The following GARIN2 variants were observed in gnomAD, a reference collection of about 807,000 sequenced individuals.
GARIN2 encodes the protein Golgi-associated RAB2 interactor protein 2.
At chr14:67,208,391 A>C in the GARIN2 span, 1 of 1,614,022 alleles carries the variant, frequency 6.2e-7, no homozygotes, top group Non-Finnish European at 8.5e-7. Context: ...GAAGGATAAG[A>C]CCTCTGAAGA....
At chr14:67,192,389 C>G in the GARIN2 span, among the ~76,000 whole-genome samples, 1 of 151,882 alleles carries the variant, frequency 6.6e-6, no homozygotes, top group Non-Finnish European at 1.5e-5. Context: ...TTTTATTTCC[C>G]TACCTAACAC....
the GARIN2 span, among the ~76,000 whole-genome samples, chr14:67,215,322 G>T: frequency 6.6e-6 from 1 of 152,002 alleles, no homozygotes; most frequent in African/African-American, 2.4e-5. Flanking sequence ...GGGAATTGCT[G>T]TTATCACCTA....
chr14:67,226,917 C>T, the GARIN2 span, among the ~76,000 whole-genome samples: 3 of 152,066 alleles, frequency 2.0e-5, no homozygotes, highest in African/African-American at 7.3e-5. Flanking sequence ...CGTGCTGGCT[C>T]CTACATCCAC....
the GARIN2 span, among the ~76,000 whole-genome samples, chr14:67,228,041 G>A: frequency 6.6e-6 from 1 of 151,748 alleles, no homozygotes; most frequent in East Asian, 1.9e-4. Flanking sequence ...GTGGTGGTGG[G>A]CACCTGTAAT....
chr14:67,205,377 C>T, the GARIN2 span, among the ~76,000 whole-genome samples: 15 of 152,222 alleles, frequency 9.9e-5, no homozygotes, highest in Non-Finnish European at 1.8e-4. Context: ...TCTCAACCTG[C>T]GGCTCATATT....
chr14:67,191,616 G>A, the GARIN2 span, among the ~76,000 whole-genome samples: 2 of 152,176 alleles, frequency 1.3e-5, no homozygotes, highest in Non-Finnish European at 2.9e-5. Flanking sequence ...ACCACAGGGT[G>A]AACAATCCCA....
At chr14:67,203,214 C>A in the GARIN2 span, 2 of 1,613,676 alleles carry the variant, frequency 1.2e-6, no homozygotes, top group Middle Eastern at 1.6e-4. Flanking sequence ...CCATCTGACA[C>A]CTGGTGCCCA....
chr14:67,199,830 T>A, the GARIN2 span: 1 of 1,500,950 alleles, frequency 6.7e-7, no homozygotes, highest in Non-Finnish European at 9.0e-7. Context: ...CCACCTGGGA[T>A]ACCCCCAGCC....
the GARIN2 span, among the ~76,000 whole-genome samples, chr14:67,223,049 G>A: frequency 7.4e-6 from 1 of 135,564 alleles, no homozygotes; most frequent in Non-Finnish European, 1.5e-5. Context: ...GCCCAAGCCA[G>A]AGTGCAGTGG....
At chr14:67,191,812 C>T in the GARIN2 span, among the ~76,000 whole-genome samples, 7 of 152,242 alleles carry the variant, frequency 4.6e-5, no homozygotes, top group South Asian at 6.2e-4. Context: ...CGTTGGTTTC[C>T]GATCTGTAAT....
At chr14:67,193,579 A>G in the GARIN2 span, among the ~76,000 whole-genome samples, 2 of 145,254 alleles carry the variant, frequency 1.4e-5, no homozygotes, top group Admixed American at 1.4e-4. Flanking sequence ...ATAGATCTAT[A>G]TATAGATATA....
chr14:67,193,954 C>CAAAAAAAAACCAAA, the GARIN2 span, among the ~76,000 whole-genome samples: 1 of 85,760 alleles, frequency 1.2e-5, no homozygotes, highest in African/African-American at 4.2e-5. Flanking sequence ...CAAAAAAAAA[C>CAAAAAAAAACCAAA]AAAAAAAAAA....
chr14:67,201,183 A>G, the GARIN2 span, among the ~76,000 whole-genome samples: 2 of 151,972 alleles, frequency 1.3e-5, no homozygotes, highest in East Asian at 3.9e-4. Flanking sequence ...ATTCCTAGCT[A>G]CTCGGAAGGC....
At chr14:67,191,407 T>C in the GARIN2 span, among the ~76,000 whole-genome samples, 4 of 152,156 alleles carry the variant, frequency 2.6e-5, no homozygotes, top group African/African-American at 9.7e-5. Flanking sequence ...GAAACATTTG[T>C]AGAGGACATT....
chr14:67,212,066 G>T, the GARIN2 span, among the ~76,000 whole-genome samples: 1 of 151,896 alleles, frequency 6.6e-6, no homozygotes, highest in African/African-American at 2.4e-5. Context: ...ATGAATAATA[G>T]AATGCATGCT....
At chr14:67,225,732 G>A in the GARIN2 span, among the ~76,000 whole-genome samples, 1 of 152,146 alleles carries the variant, frequency 6.6e-6, no homozygotes, top group South Asian at 2.1e-4. Context: ...TTCATAATCT[G>A]CACAGCTGTA....
the GARIN2 span, chr14:67,199,515 T>C: frequency 1.9e-6 from 3 of 1,612,694 alleles, no homozygotes; most frequent in Admixed American, 1.7e-5. Flanking sequence ...TTTGCTTCAT[T>C]TGATGCTTCA....
At chr14:67,198,300 T>A in the GARIN2 span, 1 of 1,613,452 alleles carries the variant, frequency 6.2e-7, no homozygotes, top group Admixed American at 1.7e-5. Flanking sequence ...TCCTCCCATG[T>A]TAGAGAGCAA....
chr14:67,207,777 T>C, the GARIN2 span, among the ~76,000 whole-genome samples: 1 of 152,136 alleles, frequency 6.6e-6, no homozygotes, highest in Middle Eastern at 3.4e-3. Flanking sequence ...CTAAGTCTTT[T>C]GACAAAAAAA....
Sources: allele counts gnomAD v4.1 joint callset (sites outside exome capture counted in the v4.1 genomes callset), GRCh38; gene constraint gnomAD v4.1.1; transcripts MANE v1.5; gene names NCBI Gene and HGNC (gene_info 2026-07-23, HGNC 2026-07-21).